Variants in SLC39A11 observed in about 807,000 individuals in gnomAD.
SLC39A11 encodes the protein zinc transporter ZIP11.
A neutral mutation model predicts 36.1 loss-of-function variants in SLC39A11; 33 were observed. That is an observed-to-expected ratio of 0.91 (90% CI 0.69 to 1.22). The LOEUF (loss-of-function observed/expected upper bound fraction) is 1.22. Among genes scored for constraint, SLC39A11 ranks in the 50% most tolerant of loss-of-function variants. The pLI, the probability that SLC39A11 is intolerant of heterozygous loss-of-function variation, is 0.00. For missense variants in SLC39A11, 432 were observed against 430.3 expected, an observed-to-expected ratio of 1.00 and a Z score of -0.03; for synonymous variants, 166 against 170.3, an observed-to-expected ratio of 0.97 and a Z score of 0.20.
intron 4 of SLC39A11, among the ~76,000 whole-genome samples, chr17:72,963,085 A>G (rs1004455576): frequency 3.9e-5 from 6 of 152,014 alleles, no homozygotes; most frequent in Non-Finnish European, 8.8e-5. Context: ...TAACCTGATC[A>G]GTAACTTAAT....
chr17:72,927,073 G>A (rs183736446), intron 5 of SLC39A11, among the ~76,000 whole-genome samples: 1 of 152,252 alleles, frequency 6.6e-6, no homozygotes, highest in East Asian at 1.9e-4. Context: ...CTGAGACAGA[G>A]TCTCCCTCTG....
At chr17:72,845,138 T>C (rs1032385480) in intron 6 of SLC39A11, among the ~76,000 whole-genome samples, 1 of 152,208 alleles carries the variant, frequency 6.6e-6, no homozygotes, top group African/African-American at 2.4e-5. Context: ...TTACCTCTCC[T>C]AAGTCCCATC....
intron 6 of SLC39A11, among the ~76,000 whole-genome samples, chr17:72,789,499 T>C (rs2076632717): frequency 6.6e-6 from 1 of 152,174 alleles, no homozygotes; most frequent in African/African-American, 2.4e-5. Flanking sequence ...AGGTAAACTG[T>C]CGCCCAGGTA....
intron 5 of SLC39A11, among the ~76,000 whole-genome samples, chr17:72,883,478 C>A (rs555763218): frequency 7.2e-5 from 11 of 152,098 alleles, no homozygotes; most frequent in Non-Finnish European, 2.9e-5. Flanking sequence ...GCTCAAGCAT[C>A]GCCAGTACTG....
In SLC39A11 at chr17:72,936,644, G is replaced by A. The variant is rs146625709; in HGVS notation, c.430+11108C>T. Among the ~76,000 whole-genome samples, 1,269 of 152,150 alleles carry A rather than the reference G, an allele frequency of 8.3e-3. 21 individuals carry two copies. The highest frequency in any genetic ancestry group is 0.029 in the African/African-American group (1,212 of 41,494). Reference sequence around the variant, plus strand: ...AGACATGGAACTAAGTAAGAACCTAGCCCTGGAGCCAGACAGGGACTCTCC... The same window carrying A: ...AGACATGGAACTAAGTAAGAACCTAACCCTGGAGCCAGACAGGGACTCTCC... On this transcript the variant is annotated intron_variant, in intron 5 of 9. Transcript: ENST00000255559.
intron 5 of SLC39A11, among the ~76,000 whole-genome samples, chr17:72,942,664 C>G (rs1454936204): frequency 6.6e-6 from 1 of 152,174 alleles, no homozygotes; most frequent in Non-Finnish European, 1.5e-5. Context: ...AACCATGAAG[C>G]TGTTTAAATA....
rs146932314 is a variant in SLC39A11, at chr17:72,888,011, C to G, written c.431-38207G>C. Among the ~76,000 whole-genome samples, 79 of 152,336 alleles carry G rather than the reference C, an allele frequency of 5.2e-4. 1 individual carries two copies. The East Asian group carries it at 0.014, about 27-fold the overall frequency. Reference sequence around the variant, plus strand: ...TTGGAAATTCCATTTCTCTCACACTCAAGTCATTATTTCTAAAAACAAAAC... The same window carrying G: ...TTGGAAATTCCATTTCTCTCACACTGAAGTCATTATTTCTAAAAACAAAAC... On this transcript the variant is annotated intron_variant, in intron 5 of 9. Coordinates refer to ENST00000255559, the MANE Select transcript of SLC39A11 (RefSeq NM_139177.4).
At chr17:72,807,977 T>C (rs1232423492) in intron 6 of SLC39A11, among the ~76,000 whole-genome samples, 2 of 152,136 alleles carry the variant, frequency 1.3e-5, no homozygotes, top group African/African-American at 4.8e-5. Context: ...AGGTGGATAC[T>C]GTCAGAATTG....
rs375318560 is a variant in SLC39A11 at position 72,704,454 on chromosome 17, G to A, written c.671+32196C>T. On this transcript the variant is annotated intron_variant, in intron 7 of 9. Coordinates refer to ENST00000255559, the MANE Select transcript of SLC39A11 (RefSeq NM_139177.4). ...CATTTAGATTAAAGAAGTCAAAGAT[G>A]CGGCTAGATTCACTGGTCCTAAGGA... Among the ~76,000 whole-genome samples the A allele has an allele frequency of 1.7e-4, 26 of 152,292 alleles. 1 individual carries two copies. Among genetic ancestry groups the A allele is most frequent in the African/African-American group, 6.3e-4 (26 of 41,552 alleles).
rs397730814 is a variant in SLC39A11 at position 72,941,571 on chromosome 17, TA to T, written c.430+6180del. Among the ~76,000 whole-genome samples the T allele has an allele frequency of 5.4e-4, 72 of 133,510 alleles. No homozygotes were observed. The Middle Eastern group carries it at 0.022, about 42-fold the overall frequency. The allele number at this position is 133,510 out of a possible 152,430, so 87.6% of individuals were successfully genotyped here. ...TCAGGACTGTGTTTTTTTTTTTTTT[TA>T]AAAGGCAGAAGCAGATAAAGTGCTA... is the stretch of plus-strand genomic sequence containing the variant. On this transcript the variant is annotated intron_variant, in intron 5 of 9. Coordinates refer to ENST00000255559, the MANE Select transcript of SLC39A11 (RefSeq NM_139177.4).
intron 6 of SLC39A11, among the ~76,000 whole-genome samples, chr17:72,744,699 AGGGTGAGGG>A (rs2074858169): frequency 1.3e-5 from 2 of 152,102 alleles, no homozygotes; most frequent in Admixed American, 1.3e-4. Context: ...TATGATAGGA[AGGGTGAGGG>A]GGCCTCTCTC....
At chr17:72,986,538 C>T (rs2088774816) in intron 4 of SLC39A11, among the ~76,000 whole-genome samples, 2 of 152,232 alleles carry the variant, frequency 1.3e-5, no homozygotes, top group Non-Finnish European at 2.9e-5. Context: ...TGCCACACTG[C>T]TGCACCCTCC....
intron 6 of SLC39A11, among the ~76,000 whole-genome samples, chr17:72,775,561 T>G (rs1330200682): frequency 6.6e-6 from 1 of 152,120 alleles, no homozygotes; most frequent in Non-Finnish European, 1.5e-5. Context: ...CCTAAAGGAC[T>G]GCATGCTGCG....
At chr17:72,973,092 C>T (rs998189197) in intron 4 of SLC39A11, among the ~76,000 whole-genome samples, 1 of 151,298 alleles carries the variant, frequency 6.6e-6, no homozygotes, top group Admixed American at 6.6e-5. Context: ...CTGCCTTCTG[C>T]TTGTCCTTTC....
intron 2 of SLC39A11, 105 bp from the exon 3 acceptor site, chr17:73,084,951 T>A (rs2144822084): frequency 1.7e-6 from 2 of 1,165,702 alleles, no homozygotes; most frequent in Non-Finnish European, 2.6e-6. Context: ...AAATAAAGAC[T>A]GGCCGACTCC....
intron 6 of SLC39A11, chr17:72,823,489 T>C (rs986362205): frequency 1.3e-5 from 2 of 151,244 alleles, no homozygotes; most frequent in Non-Finnish European, 3.0e-5. Flanking sequence ...GACTGAGAGA[T>C]GTTCCCACGC....
chr17:72,709,602 A>G (rs1462432474), intron 7 of SLC39A11, among the ~76,000 whole-genome samples: 2 of 152,260 alleles, frequency 1.3e-5, no homozygotes, highest in Non-Finnish European at 2.9e-5. Flanking sequence ...TGTTGGGCAA[A>G]GAAATGATGA....
chr17:72,904,645 G>T (rs957839700), intron 5 of SLC39A11, among the ~76,000 whole-genome samples: 2 of 152,174 alleles, frequency 1.3e-5, no homozygotes, highest in Admixed American at 1.3e-4. Flanking sequence ...GAACCCTCTG[G>T]GCTCTAACTG....
intron 6 of SLC39A11, among the ~76,000 whole-genome samples, chr17:72,754,045 T>TACACACAC (rs1383818868): frequency 1.1e-3 from 61 of 53,238 alleles, no homozygotes; most frequent in South Asian, 2.4e-3. Flanking sequence ...TATATATATA[T>TACACACAC]ACACATACAC....
Sources: allele counts gnomAD v4.1 joint callset (sites outside exome capture counted in the v4.1 genomes callset), GRCh38; gene constraint gnomAD v4.1.1; transcripts MANE v1.5; gene names NCBI Gene and HGNC (gene_info 2026-07-23, HGNC 2026-07-21).